NAV2: variants seen among roughly 807,000 people sequenced by gnomAD.
NAV2 encodes the protein helicase, APC down-regulated 1.
A neutral mutation model predicts 223.2 loss-of-function variants in NAV2; 54 were observed. That is an observed-to-expected ratio of 0.24 (90% CI 0.19 to 0.30). The LOEUF is 0.30. Among genes scored for constraint, NAV2 ranks in the 10% least tolerant of loss-of-function variants. The pLI is 1.00. For synonymous variants in NAV2, 1,279 were observed against 1,239.3 expected, an observed-to-expected ratio of 1.03 and a Z score of -0.67; for missense variants, 2,806 against 3,147.5, an observed-to-expected ratio of 0.89 and a Z score of 2.60.
In NAV2 at chr11:19,934,094, C is replaced by A. The variant is rs779400181; in HGVS notation, c.1850C>A (p.Ala617Glu). The A allele has an allele frequency of 5.6e-6, 9 of 1,612,968 alleles. No individual in the cohort carries two copies. The highest frequency in any genetic ancestry group is 7.6e-6 in the Non-Finnish European group (9 of 1,179,500). Residue 617 changes from alanine (A) to glutamate (E), a missense_variant, in exon 7 of 38, where the codon GCG becomes GAG. Coordinates refer to ENST00000349880, the MANE Select transcript of NAV2 (RefSeq NM_145117.5). Reference protein sequence around the residue: ...GRHSSSSSSLASSEGKGPGGT... With the variant: ...GRHSSSSSSLESSEGKGPGGT... ...CACTCCAGTTCCTCTTCCAGCCTGG[C>A]GTCCTCAGAAGGAAAAGGCCCAGGA...
At position 19,618,055 on chromosome 11, in the gene NAV2, C is replaced by T. The variant is rs76494374; in HGVS notation, c.76-214429C>T. Among the ~76,000 whole-genome samples, 890 of 152,312 alleles carry T rather than the reference C, an allele frequency of 5.8e-3. 11 individuals are homozygous for T. Among genetic ancestry groups the T allele is most frequent in the African/African-American group, 0.02 (847 of 41,566 alleles). ...TTAGTCATCATCTTCTCACATACTC[C>T]GTAATTTACTTACCTACTGTTTGTT... On this transcript the variant is annotated intron_variant, in intron 1 of 37. Transcript: ENST00000360655.
chr11:19,471,932 G>A (rs902796532), intron 1 of NAV2, among the ~76,000 whole-genome samples: 3 of 152,162 alleles, frequency 2.0e-5, no homozygotes, highest in African/African-American at 4.8e-5. Context: ...AGTTAGGCCT[G>A]CCAGAGTCCC....
intron 1 of NAV2, among the ~76,000 whole-genome samples, chr11:19,575,150 A>G (rs1231363684): frequency 6.6e-6 from 1 of 152,246 alleles, no homozygotes; most frequent in Non-Finnish European, 1.5e-5. Flanking sequence ...TGCAACTGGC[A>G]GAGGTTAATC....
At chr11:19,768,463 C>T (rs566040524) in intron 1 of NAV2, among the ~76,000 whole-genome samples, 3 of 152,014 alleles carry the variant, frequency 2.0e-5, no homozygotes, top group African/African-American at 7.2e-5. Context: ...GGAGCCTTTT[C>T]AAGGATGGAC....
intron 1 of NAV2, among the ~76,000 whole-genome samples, chr11:19,719,141 C>T (rs2050552898): frequency 6.6e-6 from 1 of 152,156 alleles, no homozygotes. Flanking sequence ...AAAAGTCAAA[C>T]CACCCAGCGA....
At chr11:19,398,340 C>G (rs574385480) in intron 1 of NAV2, among the ~76,000 whole-genome samples, 29 of 152,274 alleles carry the variant, frequency 1.9e-4, no homozygotes, top group African/African-American at 6.7e-4. Context: ...GGTGCGAATG[C>G]ATTCATGAGC....
intron 17 of NAV2, among the ~76,000 whole-genome samples, chr11:20,052,943 G>T (rs986763287): frequency 5.9e-5 from 9 of 152,122 alleles, no homozygotes; most frequent in African/African-American, 2.2e-4. Flanking sequence ...CAGGCCAGGT[G>T]CGGTGGCTCA....
At chr11:19,743,129 C>G (rs1282402349) in intron 1 of NAV2, among the ~76,000 whole-genome samples, 2 of 152,190 alleles carry the variant, frequency 1.3e-5, no homozygotes, top group East Asian at 3.9e-4. Context: ...CAAATGACAA[C>G]CTATGTGAAC....
intron 3 of NAV2, among the ~76,000 whole-genome samples, chr11:19,849,698 A>G (rs1391804414): frequency 6.6e-6 from 1 of 152,204 alleles, no homozygotes; most frequent in Non-Finnish European, 1.5e-5. Flanking sequence ...ATTTTTACAC[A>G]GCTCTAAGGG....
At chr11:19,746,282 A>AGT (rs561612451) in intron 1 of NAV2, among the ~76,000 whole-genome samples, 55 of 152,278 alleles carry the variant, frequency 3.6e-4, no homozygotes, top group Non-Finnish European at 7.4e-4. Context: ...GCACAAGTGG[A>AGT]GCTCAACATA....
intron 14 of NAV2, among the ~76,000 whole-genome samples, chr11:20,047,977 A>G (rs936543395): frequency 2.0e-5 from 3 of 152,188 alleles, no homozygotes; most frequent in Admixed American, 6.5e-5. Flanking sequence ...GGGGGCATTT[A>G]TGTCATTCCT....
intron 1 of NAV2, among the ~76,000 whole-genome samples, chr11:19,738,630 G>A (rs1317087042): frequency 2.0e-5 from 3 of 152,226 alleles, no homozygotes; most frequent in Non-Finnish European, 4.4e-5. Context: ...TTTGCTAGGG[G>A]ATACTGGGGA....
chr11:19,991,101 C>T (rs1036693760), intron 11 of NAV2, among the ~76,000 whole-genome samples: 26 of 152,068 alleles, frequency 1.7e-4, no homozygotes, highest in African/African-American at 6.0e-4. Context: ...AGTGTTTTTG[C>T]GAAGCACCTA....
At chr11:20,047,523 T>C (rs545754280) in intron 14 of NAV2, among the ~76,000 whole-genome samples, 29 of 152,248 alleles carry the variant, frequency 1.9e-4, no homozygotes, top group African/African-American at 6.3e-4. Context: ...TGGATGAGAT[T>C]TGGGTTTCCT....
rs2055315116 is a variant in NAV2 at position 19,767,333 on chromosome 11, G to A, written c.267+53371G>A. 2.0e-5 allele frequency among the ~76,000 whole-genome samples: 3 copies of A among 152,320 alleles called. No individual in the cohort carries two copies. The South Asian group carries it at 6.2e-4, about 32-fold the overall frequency. On this transcript the variant is annotated intron_variant, in intron 1 of 37. Transcript: ENST00000349880. ...ACTTCATCACAGCCCTGTCTCAGGA[G>A]CCCAAGGCAGGAGGTCAGATGGTCT...
At chr11:19,470,540 T>A (rs1340971479) in intron 1 of NAV2, among the ~76,000 whole-genome samples, 1 of 152,256 alleles carries the variant, frequency 6.6e-6, no homozygotes, top group Non-Finnish European at 1.5e-5. Flanking sequence ...CTCACTTTTA[T>A]AACAAATCTG....
intron 1 of NAV2, among the ~76,000 whole-genome samples, chr11:19,422,998 C>T (rs182137079): frequency 2.0e-5 from 3 of 152,326 alleles, no homozygotes; most frequent in Admixed American, 6.5e-5. Context: ...TTACTTAACC[C>T]TTGTGAGCCT....
intron 1 of NAV2, among the ~76,000 whole-genome samples, chr11:19,447,528 G>A (rs1420605951): frequency 6.6e-6 from 1 of 152,214 alleles, no homozygotes; most frequent in East Asian, 1.9e-4. Context: ...ACCTCACAGA[G>A]GTTTGGGGGA....
intron 1 of NAV2, among the ~76,000 whole-genome samples, chr11:19,693,664 T>C (rs1201906853): frequency 6.6e-6 from 1 of 152,246 alleles, no homozygotes; most frequent in Admixed American, 6.5e-5. Flanking sequence ...TCTACTGTTT[T>C]AGGTGGAGCC....
Sources: allele counts gnomAD v4.1 joint callset (sites outside exome capture counted in the v4.1 genomes callset), GRCh38; gene constraint gnomAD v4.1.1; transcripts MANE v1.5; gene names NCBI Gene and HGNC (gene_info 2026-07-23, HGNC 2026-07-21).